The following CCT6A variants were observed in gnomAD, a reference collection of about 807,000 sequenced individuals.
CCT6A encodes the protein chaperonin containing TCP1 subunit 6A, also known as T-complex protein 1 subunit zeta.
A neutral mutation model predicts 58.6 loss-of-function variants in CCT6A; 6 were observed. That is an observed-to-expected ratio of 0.10 (90% CI 0.06 to 0.20). The LOEUF (loss-of-function observed/expected upper bound fraction) is 0.20. Among genes scored for constraint, CCT6A ranks in the 10% least tolerant of loss-of-function variants. CCT6A has a pLI of 1.00. For missense variants in CCT6A, 516 were observed against 648.8 expected (o/e 0.80, Z 2.22); for synonymous variants, 245 against 227.8 (o/e 1.08, Z -0.68).
rs766290478 is a variant in CCT6A, at chr7:56,055,659, A to G, written c.372A>G (p.Glu124=). 54 of 1,613,730 alleles carry G rather than the reference A, an allele frequency of 3.3e-5. No individual in the cohort carries two copies. The highest frequency in any genetic ancestry group is 4.5e-5 in the Non-Finnish European group (53 of 1,179,794). ...LHPRIITEGF[E]AAKEKALQFL... ...CTAGAATAATCACTGAAGGATTTGA[A>G]GCTGCAAAGGAAAAGGCCCTTCAGT... Residue 124 remains glutamate (E), a synonymous_variant, in exon 4 of 14, where the codon GAA becomes GAG. Coordinates refer to ENST00000275603, the MANE Select transcript of CCT6A (RefSeq NM_001762.4).
chr7:56,062,002 A>G, intron 12 of CCT6A, 153 bp downstream of exon 12: 2 of 492,502 alleles, frequency 4.1e-6, no homozygotes, highest in Non-Finnish European at 7.3e-6. Context: ...ATATTAATAA[A>G]AAATGGAATG....
intron 1 of CCT6A, 61 bp downstream of exon 1, chr7:56,052,046 G>C: frequency 1.5e-6 from 2 of 1,312,876 alleles, no homozygotes; most frequent in Non-Finnish European, 2.0e-6. Context: ...CTCCTGGCGG[G>C]CCCGGGACCG....
intron 8 of CCT6A, 74 bp from the exon 9 acceptor site, chr7:56,059,470 T>TA: frequency 1.2e-6 from 1 of 800,154 alleles, no homozygotes; most frequent in Non-Finnish European, 2.2e-6. Flanking sequence ...AATTCCTTCC[T>TA]AAAAATTACT....
chr7:56,061,004 T>C, intron 11 of CCT6A, 64 bp downstream of exon 11: 1 of 1,507,940 alleles, frequency 6.6e-7, no homozygotes, highest in East Asian at 2.3e-5. Context: ...TCTGATAATG[T>C]AGGATTTATT....
In CCT6A at chr7:56,054,431, T is replaced by A; in HGVS notation, c.264T>A (p.Thr88=). ...TAGCAACAGCCCAGGATGATATAAC[T>A]GGTGATGGTACGACTTCTAATGTCC... The part of the protein sequence containing the change: ...AKVATAQDDI[T]GDGTTSNVLI... The change falls in exon 3 of 14, where the codon ACT becomes ACA. Residue 88 remains threonine (T), a synonymous_variant. Transcript: ENST00000275603. 1.2e-6 allele frequency: 2 copies of A among 1,612,860 alleles called. No individual in the cohort carries two copies. Among genetic ancestry groups the A allele is most frequent in the Non-Finnish European group, 1.7e-6 (2 of 1,179,444 alleles).
chr7:56,054,274 G>C, intron 2 of CCT6A, 95 bp from the exon 3 acceptor site: 1 of 1,012,792 alleles, frequency 9.9e-7, no homozygotes, highest in Admixed American at 2.1e-5. Flanking sequence ...TTTTCAAGTA[G>C]ATAGCACTCA....
chr7:56,056,742 C>T lies in CCT6A; in HGVS notation c.614+328C>T, dbSNP rs576657091. Among the ~76,000 whole-genome samples, 8 of 149,032 alleles carry T rather than the reference C, an allele frequency of 5.4e-5. No individual in the cohort carries two copies. In the South Asian group the frequency reaches 1.1e-3, roughly 20 times the overall value. Reference sequence around the variant, plus strand: ...CGTCCCATTAAAAAAAAAACAAAAACAAAAAATAAACTGTGTTTAGAAATT... The same window carrying T: ...CGTCCCATTAAAAAAAAAACAAAAATAAAAAATAAACTGTGTTTAGAAATT... On this transcript the variant is annotated intron_variant, in intron 5 of 13. Transcript: ENST00000275603.
chr7:56,058,233 C>T, intron 6 of CCT6A, 129 bp from the exon 7 acceptor site: 1 of 864,266 alleles, frequency 1.2e-6, no homozygotes. Flanking sequence ...CTATAGGAAA[C>T]AGTCTCTGAA....
chr7:56,061,008 AT>A, intron 11 of CCT6A, 68 bp downstream of exon 11: 1 of 1,496,598 alleles, frequency 6.7e-7, no homozygotes, highest in Non-Finnish European at 9.0e-7. Context: ...ATAATGTAGG[AT>A]TTATTCATAA....
chr7:56,060,748 G>A, intron 10 of CCT6A, 59 bp from the exon 11 acceptor site: 1 of 1,550,958 alleles, frequency 6.4e-7, no homozygotes, highest in Non-Finnish European at 8.8e-7. Flanking sequence ...TGTATATTTT[G>A]TTATTCATAA....
At chr7:56,062,319 A>C (rs992271973) in intron 12 of CCT6A, among the ~76,000 whole-genome samples, 1 of 152,236 alleles carries the variant, frequency 6.6e-6, no homozygotes, top group Admixed American at 6.5e-5. Flanking sequence ...AGGAGATAAC[A>C]GGTACCTCCA....
chr7:56,059,550 T>C lies in CCT6A; in HGVS notation c.975T>C (p.Thr325=). 1 of 1,591,638 alleles carries C rather than the reference T, an allele frequency of 6.3e-7. No individual in the cohort carries two copies. Among genetic ancestry groups the C allele is most frequent in the Non-Finnish European group, 8.6e-7 (1 of 1,159,626 alleles). The change falls in exon 9 of 14, where the codon ACT becomes ACC. Residue 325 remains threonine, a synonymous_variant. Transcript: ENST00000275603. Reference sequence around the variant, plus strand: ...CCTTAAAATGCTATTTCAGGCTGACTCTTGCTTGTGGTGGGGTAGCCCTGA... The same window carrying C: ...CCTTAAAATGCTATTTCAGGCTGACCCTTGCTTGTGGTGGGGTAGCCCTGA... ...RAKRRNMERL[T]LACGGVALNS...
At chr7:56,061,606 C>T (rs1221562306) in intron 11 of CCT6A, 141 bp from the exon 12 acceptor site, 4 of 496,652 alleles carry the variant, frequency 8.1e-6, no homozygotes, top group Non-Finnish European at 1.4e-5. Flanking sequence ...CACGGCCTCC[C>T]AAAGTCCTGG....
chr7:56,058,866 C>T, intron 8 of CCT6A, 164 bp downstream of exon 8: 1 of 494,040 alleles, frequency 2.0e-6, no homozygotes, highest in South Asian at 4.0e-5. Context: ...CTTTTTTCAT[C>T]ATCACAAACT....
In CCT6A at chr7:56,060,888, G is replaced by A. The variant is rs1164698329; in HGVS notation, c.1295G>A (p.Arg432Lys). 6.2e-7 allele frequency: 1 copy of A among 1,613,712 alleles called. No homozygotes were observed. Residue 432 changes from arginine to lysine, a missense_variant, in exon 11 of 14, where the codon AGG becomes AAG. Arg to Lys is a conservative substitution (Grantham distance 26). This residue lies in a region of CCT6A where 315 missense variants were observed against 389.4 expected (regional missense o/e 0.81). Coordinates refer to ENST00000275603, the MANE Select transcript of CCT6A (RefSeq NM_001762.4). ...AAACATAAGCCCAGTGTAAAGGGCA[G>A]GGCACAGCTTGGAGTCCAAGCATTT... The part of the protein sequence containing the change: ...LIKHKPSVKG[R>K]AQLGVQAFAD...
In CCT6A at chr7:56,056,217, T is replaced by C. The variant is rs1047604259; in HGVS notation, c.511-94T>C. ...AAAAAGACTTAAATCAGTGTAGAAT[T>C]GTAAAATGAAACTGCCTACTTTAGC... On this transcript the variant is annotated intron_variant, in intron 4 of 13. Coordinates refer to ENST00000275603, the MANE Select transcript of CCT6A (RefSeq NM_001762.4). The C allele has an allele frequency of 9.0e-5, 69 of 769,306 alleles. No homozygotes were observed. In the Middle Eastern group the frequency reaches 1.1e-3, roughly 13 times the overall value. The allele number at this position is 769,306 out of a possible 1,614,324, so 47.7% of individuals were successfully genotyped here.
Position 56,054,495 on chromosome 7 carries a change from A to G in CCT6A, c.328A>G (p.Ile110Val). The G allele has an allele frequency of 1.2e-6, 2 of 1,611,974 alleles. No homozygotes were observed. The highest frequency in any genetic ancestry group is 1.7e-6 in the Non-Finnish European group (2 of 1,178,892). The change falls in exon 3 of 14, where the codon ATT becomes GTT. Residue 110 changes from isoleucine to valine, a missense_variant. Coordinates refer to ENST00000275603, the MANE Select transcript of CCT6A (RefSeq NM_001762.4). ...GELLKQADLY[I>V]SEGLHPRIIT... is the part of the protein sequence containing the mutation. ...GCTGCTGAAACAGGCGGATCTCTAC[A>G]TTTCTGAAGTATGCACAACTCTTGT...
At chr7:56,057,404 A>G (rs140046001) in intron 5 of CCT6A, among the ~76,000 whole-genome samples, 80 of 151,878 alleles carry the variant, frequency 5.3e-4, no homozygotes, top group African/African-American at 1.4e-3. Context: ...GAGTCTCCCT[A>G]TGTTGCCCAG....
chr7:56,059,497 TTC>T, intron 8 of CCT6A, 45 bp from the exon 9 acceptor site: 1 of 921,760 alleles, frequency 1.1e-6, no homozygotes. Flanking sequence ...ATCTTTGAAA[TTC>T]ACTGGTAACG....
Sources: gnomAD v4.1 joint callset for allele counts (sites outside exome capture counted in the v4.1 genomes callset) on GRCh38, gnomAD v4.1.1 for gene constraint, gnomAD v4.1.1 regional missense constraint, MANE v1.5 for transcripts, NCBI Gene and HGNC (gene_info 2026-07-23, HGNC 2026-07-21) for gene names.